The following TENM2 variants were observed in gnomAD, a reference collection of about 807,000 sequenced individuals.
TENM2 encodes teneurin-2.
A neutral mutation model predicts 245.2 loss-of-function variants in TENM2; 52 were observed. That is an observed-to-expected ratio of 0.21 (90% CI 0.17 to 0.27). The LOEUF is 0.27. Ranked by LOEUF, TENM2 falls within the 10% of genes least tolerant of loss-of-function variation. TENM2 has a pLI of 1.00. For synonymous variants in TENM2, 1,363 were observed against 1,438.9 expected (o/e 0.95, Z 1.19); for missense variants, 3,046 against 3,666.8 (o/e 0.83, Z 4.37).
chr5:167,495,610 A>G (rs1051543272), intron 2 of TENM2, among the ~76,000 whole-genome samples: 5 of 152,060 alleles, frequency 3.3e-5, no homozygotes, highest in South Asian at 2.1e-4. Flanking sequence ...GCAATATACT[A>G]TAGTGGTGTC....
At chr5:168,048,178 A>G (rs778818380) in intron 6 of TENM2, among the ~76,000 whole-genome samples, 33 of 151,934 alleles carry the variant, frequency 2.2e-4, no homozygotes, top group Non-Finnish European at 3.2e-4. Context: ...GAAGGGAAAA[A>G]AAAAGGTGCT....
chr5:167,515,001 A>T (rs749771095), intron 2 of TENM2, among the ~76,000 whole-genome samples: 1 of 152,112 alleles, frequency 6.6e-6, no homozygotes, highest in Non-Finnish European at 1.5e-5. Flanking sequence ...ACAGAGCGAG[A>T]CTCCATCTCA....
At chr5:167,357,466 A>G (rs1759420139) in intron 1 of TENM2, among the ~76,000 whole-genome samples, 1 of 151,962 alleles carries the variant, frequency 6.6e-6, no homozygotes, top group Non-Finnish European at 1.5e-5. Flanking sequence ...TATTTTTAGT[A>G]GAGACGGGAT....
chr5:167,225,335 T>C, the TENM2 span, among the ~76,000 whole-genome samples: 1 of 152,054 alleles, frequency 6.6e-6, no homozygotes, highest in Non-Finnish European at 1.5e-5. Flanking sequence ...TGAGGTATGT[T>C]CGTTTAATGC....
At chr5:168,220,834 G>A (rs1763606996) in intron 23 of TENM2, among the ~76,000 whole-genome samples, 1 of 152,162 alleles carries the variant, frequency 6.6e-6, no homozygotes, top group Non-Finnish European at 1.5e-5. Flanking sequence ...TGTCCTGGTC[G>A]GGAGTGATGC....
chr5:167,466,492 GTT>G (rs1392558209), intron 2 of TENM2, among the ~76,000 whole-genome samples: 2 of 152,148 alleles, frequency 1.3e-5, no homozygotes, highest in Non-Finnish European at 2.9e-5. Context: ...GTGTGCTACT[GTT>G]TTCGAGGTTT....
At chr5:167,759,761 C>T (rs1403162991) in intron 2 of TENM2, among the ~76,000 whole-genome samples, 1 of 152,084 alleles carries the variant, frequency 6.6e-6, no homozygotes, top group Non-Finnish European at 1.5e-5. Context: ...GTTGCCCCAT[C>T]AATCTATTGT....
the TENM2 span, among the ~76,000 whole-genome samples, chr5:167,086,847 T>C: frequency 2.0e-5 from 3 of 152,062 alleles, no homozygotes; most frequent in African/African-American, 7.2e-5. Flanking sequence ...TAATCCCTTA[T>C]CAGGGACTAT....
chr5:167,695,990 C>T (rs956870478), intron 2 of TENM2, among the ~76,000 whole-genome samples: 3 of 150,994 alleles, frequency 2.0e-5, no homozygotes, highest in Non-Finnish European at 3.0e-5. Flanking sequence ...GCCGAGATTG[C>T]ACCACTGCAC....
intron 13 of TENM2, among the ~76,000 whole-genome samples, chr5:168,187,890 C>T: frequency 6.6e-6 from 1 of 152,104 alleles, no homozygotes; most frequent in Admixed American, 6.6e-5. Flanking sequence ...ATGTTCAGAG[C>T]CTTGATTTTG....
chr5:167,016,467 T>C, the TENM2 span, among the ~76,000 whole-genome samples: 1 of 152,140 alleles, frequency 6.6e-6, no homozygotes, highest in Admixed American at 6.5e-5. Context: ...ATTATGTGAA[T>C]ACAATTAAAA....
At chr5:167,773,925 G>A (rs1380770085) in intron 2 of TENM2, among the ~76,000 whole-genome samples, 3 of 152,030 alleles carry the variant, frequency 2.0e-5, no homozygotes, top group Non-Finnish European at 4.4e-5. Context: ...TTAAGTGAGC[G>A]TTCCAAATTT....
chr5:167,955,214 T>C (rs772831182), intron 4 of TENM2, among the ~76,000 whole-genome samples: 5 of 152,200 alleles, frequency 3.3e-5, no homozygotes, highest in Non-Finnish European at 7.3e-5. Flanking sequence ...TCTCTAATGA[T>C]CAGTGATAAT....
chr5:167,049,516 A>G, the TENM2 span, among the ~76,000 whole-genome samples: 4 of 152,270 alleles, frequency 2.6e-5, no homozygotes, highest in Non-Finnish European at 4.4e-5. Context: ...AGAACTGTGT[A>G]TACATCAAAC....
At chr5:167,661,075 T>C (rs1313129193) in intron 2 of TENM2, among the ~76,000 whole-genome samples, 1 of 152,196 alleles carries the variant, frequency 6.6e-6, no homozygotes, top group African/African-American at 2.4e-5. Context: ...TATTTTTCCT[T>C]AGATGCCATT....
At chr5:167,427,996 C>G (rs1465974723) in intron 2 of TENM2, among the ~76,000 whole-genome samples, 2 of 152,076 alleles carry the variant, frequency 1.3e-5, no homozygotes, top group Non-Finnish European at 2.9e-5. Context: ...AATAATAATT[C>G]CTGGTTTCAG....
At chr5:167,069,271 T>C in the TENM2 span, among the ~76,000 whole-genome samples, 1,619 of 152,314 alleles carry the variant, frequency 0.011, 10 homozygotes, top group Middle Eastern at 0.02. Context: ...GGTTTTTCTA[T>C]ATCGCTTTCA....
intron 28 of TENM2, among the ~76,000 whole-genome samples, chr5:168,261,690 A>G (rs1768199687): frequency 6.6e-6 from 1 of 152,224 alleles, no homozygotes. Context: ...GTTGCCAACC[A>G]TCAGAGTACA....
the TENM2 span, among the ~76,000 whole-genome samples, chr5:166,987,436 TGTG>T: frequency 6.6e-6 from 1 of 151,892 alleles, no homozygotes. Context: ...TGTGTGTGTG[TGTG>T]TGTGTGTGTG....
Sources: gnomAD v4.1 joint callset for allele counts (sites outside exome capture counted in the v4.1 genomes callset) on GRCh38, gnomAD v4.1.1 for gene constraint, MANE v1.5 for transcripts, NCBI Gene and HGNC (gene_info 2026-07-23, HGNC 2026-07-21) for gene names.